REPS1: variants seen among roughly 807,000 people sequenced by gnomAD.
REPS1 encodes the protein ralBP1-associated Eps domain-containing protein 1.
In REPS1, 39 loss-of-function variants were observed where a neutral mutation model predicts 100.9. The ratio of observed to expected loss-of-function variants is 0.39; its 90% confidence interval spans 0.30 to 0.50. The LOEUF is 0.50. Ranked by LOEUF, REPS1 falls within the 20% of genes least tolerant of loss-of-function variation. The pLI, the probability that REPS1 is intolerant of heterozygous loss-of-function variation, is 0.86. For missense variants in REPS1, 821 were observed against 968.5 expected, an observed-to-expected ratio of 0.85 and a Z score of 2.02; for synonymous variants, 324 against 340.3, an observed-to-expected ratio of 0.95 and a Z score of 0.53.
chr6:138,970,258 T>C (rs890334927), intron 1 of REPS1, among the ~76,000 whole-genome samples: 2 of 151,592 alleles, frequency 1.3e-5, no homozygotes, highest in East Asian at 1.9e-4. Context: ...GTAAGTTGGA[T>C]AGATGGAAAA....
chr6:138,961,817 C>A (rs983175146), intron 1 of REPS1, among the ~76,000 whole-genome samples: 3 of 152,150 alleles, frequency 2.0e-5, no homozygotes, highest in Non-Finnish European at 4.4e-5. Context: ...TGTACTACAC[C>A]TCCCTTAAAG....
At chr6:138,974,680 C>G (rs1784502981) in intron 1 of REPS1, among the ~76,000 whole-genome samples, 1 of 152,084 alleles carries the variant, frequency 6.6e-6, no homozygotes, top group Non-Finnish European at 1.5e-5. Context: ...CTCCTGAGGT[C>G]TTAAGTGAAA....
intron 1 of REPS1, among the ~76,000 whole-genome samples, chr6:138,952,630 C>T (rs548162741): frequency 1.3e-5 from 2 of 152,000 alleles, no homozygotes; most frequent in African/African-American, 4.8e-5. Flanking sequence ...GATCTCCTGA[C>T]CTCAAGTGAT....
intron 11 of REPS1, among the ~76,000 whole-genome samples, 188 bp from the exon 12 acceptor site, chr6:138,920,504 C>A (rs1309540306): frequency 6.6e-6 from 1 of 151,966 alleles, no homozygotes; most frequent in Non-Finnish European, 1.5e-5. Context: ...TTATTTTCTG[C>A]CATAATAGAA....
At chr6:138,921,166 G>T in intron 10 of REPS1, 42 bp from the exon 11 acceptor site, 1 of 1,342,084 alleles carries the variant, frequency 7.5e-7, no homozygotes, top group Non-Finnish European at 1.1e-6. Context: ...GTATTAAAAT[G>T]TCAAGCTAAT....
intron 8 of REPS1, chr6:138,934,455 C>T (rs553187720): frequency 3.2e-4 from 118 of 369,320 alleles, no homozygotes; most frequent in African/African-American, 2.3e-3. Context: ...CACTGACCTA[C>T]GGCTTATTCT....
chr6:138,978,279 T>G (rs1333342219), intron 1 of REPS1, among the ~76,000 whole-genome samples: 2 of 150,842 alleles, frequency 1.3e-5, no homozygotes, highest in African/African-American at 4.9e-5. Flanking sequence ...CAATTATTTG[T>G]TTCTTTTCCT....
intron 9 of REPS1, 66 bp from the exon 10 acceptor site, chr6:138,926,547 G>A: frequency 8.8e-7 from 1 of 1,133,240 alleles, no homozygotes; most frequent in Non-Finnish European, 1.3e-6. Flanking sequence ...CACTGGAGAA[G>A]ATTTAGCAAA....
intron 10 of REPS1, among the ~76,000 whole-genome samples, chr6:138,922,075 T>G (rs1274787647): frequency 2.0e-5 from 3 of 152,076 alleles, no homozygotes; most frequent in Non-Finnish European, 4.4e-5. Flanking sequence ...AGGAATGATC[T>G]GATAAAATTA....
chr6:138,979,916 C>A (rs1784839573), intron 1 of REPS1, among the ~76,000 whole-genome samples: 1 of 152,188 alleles, frequency 6.6e-6, no homozygotes, highest in East Asian at 1.9e-4. Context: ...CCAAGTATCT[C>A]TGAATTCCTC....
At chr6:138,932,406 G>A (rs2128459903) in intron 8 of REPS1, among the ~76,000 whole-genome samples, 2 of 152,224 alleles carry the variant, frequency 1.3e-5, no homozygotes, top group East Asian at 3.9e-4. Context: ...AATCAAGGCA[G>A]TGGCGACAAA....
intron 1 of REPS1, among the ~76,000 whole-genome samples, chr6:138,962,699 CACCTT>C (rs1424751813): frequency 6.6e-6 from 1 of 152,070 alleles, no homozygotes; most frequent in Non-Finnish European, 1.5e-5. Context: ...ATTCAGGTTT[CACCTT>C]AAATGTCATG....
intron 1 of REPS1, among the ~76,000 whole-genome samples, chr6:138,961,013 CTTCA>C (rs1382615752): frequency 6.6e-6 from 1 of 152,086 alleles, no homozygotes; most frequent in East Asian, 1.9e-4. Flanking sequence ...GGCCCACTTC[CTTCA>C]TTTTCAAGAA....
At chr6:138,920,192 G>T in intron 12 of REPS1, 23 bp downstream of exon 12, 1 of 1,208,310 alleles carries the variant, frequency 8.3e-7, no homozygotes, top group Non-Finnish European at 1.2e-6. Flanking sequence ...AACTTCAAAT[G>T]GAAGATGTAA....
chr6:138,962,903 C>T (rs917337694), intron 1 of REPS1, among the ~76,000 whole-genome samples: 18 of 152,166 alleles, frequency 1.2e-4, no homozygotes, highest in Admixed American at 8.5e-4. Context: ...TCTGCGGTCC[C>T]TCTCCACTCC....
chr6:138,987,714 G>A lies in REPS1; in HGVS notation c.-32C>T. ...CTCCGGCTCACGGCCGCCCCGCCCCGCATGCACTACTCGGGGCCCGGCCCC... is the reference window on the plus strand; with the variant it reads ...CTCCGGCTCACGGCCGCCCCGCCCCACATGCACTACTCGGGGCCCGGCCCC... On this transcript the variant is annotated 5_prime_UTR_variant, in exon 1 of 20. Coordinates refer to ENST00000450536, the MANE Select transcript of REPS1 (RefSeq NM_001286611.2). The A allele has an allele frequency of 2.6e-6, 4 of 1,516,202 alleles. No homozygotes were observed. Among genetic ancestry groups the A allele is most frequent in the Admixed American group, 2.1e-5 (1 of 47,658 alleles). The allele number at this position is 1,516,202 out of a possible 1,614,324, so 93.9% of individuals were successfully genotyped here.
rs769377218 is a variant in REPS1, at chr6:138,911,362, C to G, written c.1981G>C (p.Ala661Pro). The change falls in exon 17 of 20, where the codon GCT becomes CCT. Residue 661 changes from alanine to proline, a missense_variant. Ala to Pro is a conservative substitution (Grantham distance 27, BLOSUM62 -1). Around this residue, in one of 3 missense-constraint regions of REPS1, gnomAD observed 757 missense variants for 866.4 expected, o/e 0.87. Coordinates refer to ENST00000450536, the MANE Select transcript of REPS1 (RefSeq NM_001286611.2). ...CGAAGAGAACTTGCAGGATCAGAAG[C>G]TTTTTCAGCCTAAAAATGAATATGT... ...KHPEVLPAEK[A>P]SDPASSLRVA... The G allele has an allele frequency of 2.5e-6, 4 of 1,609,198 alleles. No homozygotes were observed. In the South Asian group the frequency reaches 4.4e-5, roughly 18 times the overall value.
intron 1 of REPS1, among the ~76,000 whole-genome samples, chr6:138,964,204 T>G (rs1783891439): frequency 6.6e-6 from 1 of 152,004 alleles, no homozygotes; most frequent in African/African-American, 2.4e-5. Flanking sequence ...ACAGACATTC[T>G]CTTGTTTTTT....
At chr6:138,957,669 C>A (rs986174249) in intron 1 of REPS1, among the ~76,000 whole-genome samples, 3 of 152,068 alleles carry the variant, frequency 2.0e-5, no homozygotes, top group Non-Finnish European at 2.9e-5. Context: ...AGTGCAATGA[C>A]AGAAGTCTCC....
Sources: gnomAD v4.1 joint callset for allele counts (sites outside exome capture counted in the v4.1 genomes callset) on GRCh38, gnomAD v4.1.1 for gene constraint, gnomAD v4.1.1 regional missense constraint, MANE v1.5 for transcripts, NCBI Gene and HGNC (gene_info 2026-07-23, HGNC 2026-07-21) for gene names.